Variants in SPHKAP observed in about 807,000 individuals in gnomAD.
SPHKAP encodes the protein SPHK1 interactor, AKAP domain containing, also known as A-kinase anchor protein SPHKAP.
In SPHKAP, 67 loss-of-function variants were observed where a neutral mutation model predicts 137.5. The observed-to-expected ratio is 0.49, with a 90% CI of 0.40 to 0.60. The LOEUF is 0.60. Among genes scored for constraint, SPHKAP ranks in the 20% least tolerant of loss-of-function variants. The pLI is 0.00. For missense variants in SPHKAP, 2,097 were observed against 2,069.3 expected (o/e 1.01, Z -0.26); for synonymous variants, 813 against 785.3 (o/e 1.04, Z -0.59).
At chr2:227,988,974 C>A (rs1056156834) in intron 11 of SPHKAP, among the ~76,000 whole-genome samples, 1 of 152,046 alleles carries the variant, frequency 6.6e-6, no homozygotes, top group Non-Finnish European at 1.5e-5. Flanking sequence ...TGTTAATTAC[C>A]AGTTGGAAAA....
intron 3 of SPHKAP, among the ~76,000 whole-genome samples, chr2:228,033,466 T>A (rs1378663991): frequency 6.6e-6 from 1 of 152,148 alleles, no homozygotes; most frequent in Non-Finnish European, 1.5e-5. Context: ...ATTGGACAGA[T>A]CAACGAGACA....
At chr2:228,117,707 C>A (rs1045367784) in intron 2 of SPHKAP, among the ~76,000 whole-genome samples, 1 of 152,028 alleles carries the variant, frequency 6.6e-6, no homozygotes, top group Non-Finnish European at 1.5e-5. Flanking sequence ...GATTGTGTAA[C>A]CAGCAGCCGA....
chr2:228,152,537 C>A (rs530397670), intron 1 of SPHKAP, among the ~76,000 whole-genome samples: 1 of 151,484 alleles, frequency 6.6e-6, no homozygotes, highest in Non-Finnish European at 1.5e-5. Context: ...TTTAAAAATC[C>A]GGTTGATAAT....
chr2:228,066,552 A>T (rs552919240), intron 3 of SPHKAP, among the ~76,000 whole-genome samples: 1 of 152,320 alleles, frequency 6.6e-6, no homozygotes, highest in Admixed American at 6.5e-5. Flanking sequence ...GAATCTGCAG[A>T]TGCAAAGTTC....
chr2:228,175,994 A>G (rs1700728171), intron 1 of SPHKAP, among the ~76,000 whole-genome samples: 1 of 152,296 alleles, frequency 6.6e-6, no homozygotes, highest in Middle Eastern at 3.4e-3. Flanking sequence ...ATGGCTAAAG[A>G]CTCAGTATTT....
At chr2:228,028,774 A>G (rs541480694) in intron 3 of SPHKAP, among the ~76,000 whole-genome samples, 1 of 152,340 alleles carries the variant, frequency 6.6e-6, no homozygotes, top group East Asian at 1.9e-4. Flanking sequence ...TCAAACAGTG[A>G]CAAAATCACC....
intron 1 of SPHKAP, among the ~76,000 whole-genome samples, chr2:228,151,003 T>C (rs1034521550): frequency 2.0e-5 from 3 of 152,136 alleles, no homozygotes; most frequent in Admixed American, 6.5e-5. Context: ...TTCATGTGTA[T>C]ACATGTGCCA....
chr2:228,114,794 C>T (rs10933235), intron 2 of SPHKAP, among the ~76,000 whole-genome samples: 52,338 of 152,024 alleles, frequency 0.34, 9,290 homozygotes, highest in East Asian at 0.5. Context: ...TACTTCTCTA[C>T]TCTCCTTCAG....
intron 1 of SPHKAP, among the ~76,000 whole-genome samples, chr2:228,178,018 G>T (rs1004610443): frequency 6.6e-6 from 1 of 152,126 alleles, no homozygotes; most frequent in African/African-American, 2.4e-5. Context: ...TATGGCCAAG[G>T]TGACAAACTA....
chr2:228,118,300 C>T (rs939583377), intron 2 of SPHKAP, among the ~76,000 whole-genome samples: 5 of 127,702 alleles, frequency 3.9e-5, no homozygotes, highest in African/African-American at 1.2e-4. Flanking sequence ...TGGGTTGTTT[C>T]AGTTTGGGGC....
At chr2:228,061,724 GA>G (rs1055611238) in intron 3 of SPHKAP, among the ~76,000 whole-genome samples, 5 of 149,336 alleles carry the variant, frequency 3.3e-5, no homozygotes, top group African/African-American at 7.4e-5. Flanking sequence ...GAATATCCAG[GA>G]AATATATATA....
intron 3 of SPHKAP, among the ~76,000 whole-genome samples, chr2:228,072,127 A>G (rs968011370): frequency 6.6e-6 from 1 of 152,158 alleles, no homozygotes; most frequent in African/African-American, 2.4e-5. Context: ...GAGATGAAAC[A>G]TTGATCTTCT....
At chr2:228,092,563 CCATATATATGTGTATAT>C (rs1697835374) in intron 3 of SPHKAP, among the ~76,000 whole-genome samples, 1 of 106,374 alleles carries the variant, frequency 9.4e-6, no homozygotes, top group Non-Finnish European at 2.0e-5. Flanking sequence ...TGTATATGTG[CCATATATATGTGTATAT>C]TATATGTGTA....
intron 7 of SPHKAP, among the ~76,000 whole-genome samples, chr2:228,010,606 G>A (rs1694332480): frequency 6.6e-6 from 1 of 152,174 alleles, no homozygotes; most frequent in South Asian, 2.1e-4. Flanking sequence ...AGTAGAAACA[G>A]AAGACCTTTC....
intron 5 of SPHKAP, among the ~76,000 whole-genome samples, chr2:228,022,802 C>A (rs558089522): frequency 6.6e-6 from 1 of 152,094 alleles, no homozygotes; most frequent in Non-Finnish European, 1.5e-5. Context: ...AAATTGAGTC[C>A]CAGTTTCTCA....
intron 1 of SPHKAP, chr2:228,172,909 A>G (rs567024163): frequency 2.3e-6 from 1 of 440,936 alleles, no homozygotes; most frequent in Non-Finnish European, 3.0e-6. Context: ...GCATTGGCCA[A>G]ATCATATTAT....
intron 2 of SPHKAP, among the ~76,000 whole-genome samples, chr2:228,116,658 G>C (rs1218948455): frequency 6.6e-6 from 1 of 152,136 alleles, no homozygotes; most frequent in Non-Finnish European, 1.5e-5. Context: ...ACAAGACAGA[G>C]GGACAATATT....
intron 3 of SPHKAP, among the ~76,000 whole-genome samples, chr2:228,104,693 A>C (rs1280484038): frequency 6.6e-6 from 1 of 152,166 alleles, no homozygotes; most frequent in Non-Finnish European, 1.5e-5. Flanking sequence ...TTTAAGGCAG[A>C]TACAACACAT....
Position 227,991,195 on chromosome 2 carries a change from A to T in SPHKAP, c.4775-11T>A. The T allele has an allele frequency of 1.2e-6, 2 of 1,614,146 alleles. No individual in the cohort carries two copies. The highest frequency in any genetic ancestry group is 1.7e-6 in the Non-Finnish European group (2 of 1,180,008). On this transcript the variant is annotated splice_polypyrimidine_tract_variant and intron_variant, in intron 10 of 11. Transcript: ENST00000392056. ...GTCCAGATGCAGGTGCTGAGAACAG[A>T]CACAACCACAGCCTTATCCTTCTTT... is the stretch of plus-strand genomic sequence containing the variant.
Sources: allele counts gnomAD v4.1 joint callset (sites outside exome capture counted in the v4.1 genomes callset), GRCh38; gene constraint gnomAD v4.1.1; transcripts MANE v1.5; gene names NCBI Gene and HGNC (gene_info 2026-07-23, HGNC 2026-07-21).